The following ATXN10 variants were observed in gnomAD, a reference collection of about 807,000 sequenced individuals.
The protein encoded by ATXN10 is ataxin-10.
Under a neutral mutation model 52.9 loss-of-function variants are expected in ATXN10, and 28 were observed. The ratio of observed to expected loss-of-function variants is 0.53; its 90% CI spans 0.39 to 0.73. The LOEUF (loss-of-function observed/expected upper bound fraction) is 0.73, where lower values mean the gene tolerates loss of function less well. Among genes scored for constraint, ATXN10 ranks in the 30% least tolerant of loss-of-function variants. The pLI, the probability that ATXN10 is intolerant of heterozygous loss-of-function variation, is 0.00. For synonymous variants in ATXN10, 226 were observed against 221.5 expected (o/e 1.02, Z -0.18); for missense variants, 565 against 577.0 (o/e 0.98, Z 0.21).
intron 6 of ATXN10, among the ~76,000 whole-genome samples, chr22:45,724,648 C>T (rs925338715): frequency 7.2e-5 from 11 of 152,196 alleles, no homozygotes; most frequent in African/African-American, 2.7e-4. Flanking sequence ...ATTTCTTCCG[C>T]TGTGCAGATG....
At chr22:45,838,702 G>A (rs562354641) in intron 10 of ATXN10, among the ~76,000 whole-genome samples, 127 of 152,332 alleles carry the variant, frequency 8.3e-4, no homozygotes, top group Non-Finnish European at 1.6e-3. Flanking sequence ...TGCACAGGCT[G>A]CACTCTAACA....
chr22:45,674,411 G>A (rs1922600189), intron 1 of ATXN10: 1 of 152,294 alleles, frequency 6.6e-6, no homozygotes, highest in Admixed American at 6.5e-5. Context: ...GTGGTGCAGA[G>A]AACTCATGAT....
In ATXN10 at chr22:45,837,523, A is replaced by G. The variant is rs1601678629; in HGVS notation, c.1238-5468A>G. Among the ~76,000 whole-genome samples the G allele has an allele frequency of 6.6e-6, 1 of 152,304 alleles. No individual in the cohort carries two copies. The highest frequency in any genetic ancestry group is 1.9e-4 in the East Asian group (1 of 5,188). ...GTGATCCGCCTGCCTCAGCCTCCCA[A>G]AGTGTTGGGATTACAGGCGTGAGCC... On this transcript the variant is annotated intron_variant, in intron 10 of 11. Coordinates refer to ENST00000252934, the MANE Select transcript of ATXN10 (RefSeq NM_013236.4). The surrounding 1 kb of genome is among the most constrained non-coding windows in gnomAD (Gnocchi z 5.8).
intron 9 of ATXN10, among the ~76,000 whole-genome samples, chr22:45,756,429 C>G (rs1926176704): frequency 6.6e-6 from 1 of 152,176 alleles, no homozygotes; most frequent in South Asian, 2.1e-4. Context: ...TAGGCATGAG[C>G]CACCACACTC....
intron 9 of ATXN10, among the ~76,000 whole-genome samples, chr22:45,779,980 C>T (rs1182342067): frequency 6.6e-6 from 1 of 152,196 alleles, no homozygotes; most frequent in Non-Finnish European, 1.5e-5. Context: ...ATCAGGAGTC[C>T]TTGCCCTTAA....
At position 45,721,919 on chromosome 22, in the gene ATXN10, A is replaced by AAAAAC. The variant is rs61512720; in HGVS notation, c.728+3448_728+3452dup. On this transcript the variant is annotated intron_variant, in intron 6 of 11. Coordinates refer to ENST00000252934, the MANE Select transcript of ATXN10 (RefSeq NM_013236.4). ...AACAGAGCGAGACTCTGTCACATGA[A>AAAAAC]AAAACAAAACAAAACAAAACAAAAC... is the stretch of plus-strand genomic sequence containing the variant. Among the ~76,000 whole-genome samples, 955 of 152,262 alleles carry AAAAAC rather than the reference A, an allele frequency of 6.3e-3. 9 individuals are homozygous for AAAAAC. Among genetic ancestry groups the AAAAAC allele is most frequent in the African/African-American group, 0.021 (875 of 41,526 alleles).
rs912926136 is a variant in ATXN10, at chr22:45,774,012, T to C, written c.1174-32947T>C. Among the ~76,000 whole-genome samples, 1 of 152,146 alleles carries C rather than the reference T, an allele frequency of 6.6e-6. No individual in the cohort carries two copies. The highest frequency in any genetic ancestry group is 1.5e-5 in the Non-Finnish European group (1 of 68,020). On this transcript the variant is annotated intron_variant, in intron 9 of 11. Transcript: ENST00000252934. This position sits in a 1 kb window ranked among gnomAD's most constrained non-coding sequence, Gnocchi z 6.2. ...AGAGAGAATGGCCTGTAGAAACAAA[T>C]TGTAAGAAACATGAAGCCATCAAAA... is the stretch of plus-strand genomic sequence containing the variant.
chr22:45,799,150 A>G (rs1316349778), intron 9 of ATXN10, among the ~76,000 whole-genome samples: 2 of 151,732 alleles, frequency 1.3e-5, no homozygotes, highest in Non-Finnish European at 2.9e-5. Flanking sequence ...AGCTCACTGC[A>G]ACCCCCGCCT....
At chr22:45,749,465 T>C (rs1601622354) in intron 9 of ATXN10, among the ~76,000 whole-genome samples, 1 of 152,234 alleles carries the variant, frequency 6.6e-6, no homozygotes. Context: ...TGGCAGGACA[T>C]TGTATTACAG....
At position 45,733,308 on chromosome 22, in the gene ATXN10, A is replaced by G. The variant is rs1199566955; in HGVS notation, c.894+3718A>G. Among the ~76,000 whole-genome samples the G allele has an allele frequency of 4.6e-5, 7 of 152,246 alleles. No individual in the cohort carries two copies. The highest frequency in any genetic ancestry group is 1.7e-4 in the African/African-American group (7 of 41,468). On this transcript the variant is annotated intron_variant, in intron 7 of 11. Transcript: ENST00000252934. This position sits in a 1 kb window ranked among gnomAD's most constrained non-coding sequence, Gnocchi z 4.4. ...GGTATTACATATTTAATTACATAAT[A>G]CATATTTAATACATATTCTACAATA...
At chr22:45,710,350 A>G (rs1924198852) in intron 5 of ATXN10, among the ~76,000 whole-genome samples, 1 of 152,136 alleles carries the variant, frequency 6.6e-6, no homozygotes, top group Non-Finnish European at 1.5e-5. Context: ...AGATCTTCCC[A>G]TGGCTAGCTC....
chr22:45,842,652 C>CTG lies in ATXN10; in HGVS notation c.1238-329_1238-328dup, dbSNP rs947360617. Among the ~76,000 whole-genome samples the CTG allele has an allele frequency of 6.6e-6, 1 of 152,060 alleles. No individual in the cohort carries two copies. The highest frequency in any genetic ancestry group is 1.5e-5 in the Non-Finnish European group (1 of 68,006). ...TGTGTGTGCACGCACACACGTTTGC[C>CTG]TGTGTGTGTGTTCTTGGGTTCATAA... On this transcript the variant is annotated intron_variant, in intron 10 of 11. Coordinates refer to ENST00000252934, the MANE Select transcript of ATXN10 (RefSeq NM_013236.4). This position sits in a 1 kb window ranked among gnomAD's most constrained non-coding sequence, Gnocchi z 4.8.
At chr22:45,767,382 T>C (rs1470836866) in intron 9 of ATXN10, among the ~76,000 whole-genome samples, 1 of 151,948 alleles carries the variant, frequency 6.6e-6, no homozygotes, top group Non-Finnish European at 1.5e-5. Flanking sequence ...GGGAGAAATA[T>C]GAATATATGT....
chr22:45,687,429 A>G lies in ATXN10; in HGVS notation c.117-2283A>G, dbSNP rs544919107. On this transcript the variant is annotated intron_variant, in intron 1 of 11. Transcript: ENST00000252934. The stretch of plus-strand genomic sequence containing the variant: ...TTCACGGGGGAAAGGTGGTTCCCAT[A>G]TAAGAGGCAGACGGCAAAGGATCAG... 4.6e-5 allele frequency among the ~76,000 whole-genome samples: 7 copies of G among 152,336 alleles called. No homozygotes were observed. In the East Asian group the frequency reaches 1.2e-3, roughly 25 times the overall value.
intron 3 of ATXN10, 37 bp from the exon 4 acceptor site, chr22:45,700,245 A>T: frequency 1.6e-6 from 2 of 1,275,278 alleles, no homozygotes; most frequent in Non-Finnish European, 1.1e-6. Flanking sequence ...GTGTTTAATC[A>T]TTTATTTATT....
intron 10 of ATXN10, among the ~76,000 whole-genome samples, chr22:45,822,661 G>A (rs183342535): frequency 1.0e-3 from 153 of 151,272 alleles, no homozygotes; most frequent in African/African-American, 3.5e-3. Flanking sequence ...CCCATGAGTA[G>A]CTGGGATTAC....
chr22:45,740,941 G>C (rs182606920), intron 9 of ATXN10: 1 of 153,914 alleles, frequency 6.5e-6, no homozygotes, highest in Admixed American at 6.5e-5. Flanking sequence ...TTTTAAAATG[G>C]ATATAAAAGG....
At chr22:45,799,157 G>A (rs1200405753) in intron 9 of ATXN10, among the ~76,000 whole-genome samples, 3 of 151,148 alleles carry the variant, frequency 2.0e-5, no homozygotes, top group Non-Finnish European at 4.4e-5. Context: ...TGCAACCCCC[G>A]CCTCCCGGGT....
At position 45,842,873 on chromosome 22, in the gene ATXN10, T is replaced by C; in HGVS notation, c.1238-118T>C. 8.6e-7 allele frequency: 1 copy of C among 1,156,974 alleles called. No homozygotes were observed. The highest frequency in any genetic ancestry group is 1.3e-6 in the Non-Finnish European group (1 of 778,030). 71.7% of individuals were successfully genotyped at this position (1,156,974 alleles called of 1,614,324 possible). A position where few individuals can be genotyped will look rare whatever the true frequency, so the allele number is the denominator to read the frequency against. On this transcript the variant is annotated intron_variant, in intron 10 of 11. Transcript: ENST00000252934. The surrounding 1 kb of genome is among the most constrained non-coding windows in gnomAD (Gnocchi z 4.8). ...CAGAGAATGCATCCTCAAGAAAACT[T>C]GTGGATTGATACTGGATGTTCCGTG...
Sources: allele counts gnomAD v4.1 joint callset (sites outside exome capture counted in the v4.1 genomes callset), GRCh38; gene constraint gnomAD v4.1.1; non-coding constraint Gnocchi (gnomAD v3.1); transcripts MANE v1.5; gene names NCBI Gene and HGNC (gene_info 2026-07-23, HGNC 2026-07-21).